Variants in COX7B2 observed in about 807,000 individuals in gnomAD.
COX7B2 encodes cytochrome c oxidase subunit 7B2, also known as cytochrome c oxidase subunit 7B2, mitochondrial.
For synonymous variants in COX7B2, 37 were observed against 32.1 expected, an observed-to-expected ratio of 1.15 and a Z score of -0.51; for missense variants, 109 against 95.9, an observed-to-expected ratio of 1.14 and a Z score of -0.57.
At chr4:46,890,601 T>C (rs903550917) in intron 1 of COX7B2, among the ~76,000 whole-genome samples, 28 of 152,208 alleles carry the variant, frequency 1.8e-4, no homozygotes, top group African/African-American at 5.5e-4. Flanking sequence ...AGATATTTAG[T>C]GAAGTCTTAT....
intron 1 of COX7B2, among the ~76,000 whole-genome samples, chr4:46,873,234 T>C (rs980507160): frequency 1.6e-4 from 25 of 152,180 alleles, no homozygotes; most frequent in African/African-American, 4.6e-4. Flanking sequence ...TGCTGAACAT[T>C]TGGGTTGGTT....
intron 1 of COX7B2, among the ~76,000 whole-genome samples, chr4:46,857,122 G>A (rs1231040576): frequency 6.6e-6 from 1 of 152,160 alleles, no homozygotes; most frequent in Non-Finnish European, 1.5e-5. Context: ...TAGTGGTTAA[G>A]GGCACAGAAC....
At chr4:46,832,531 A>C (rs1317294822) in intron 2 of COX7B2, among the ~76,000 whole-genome samples, 2 of 152,194 alleles carry the variant, frequency 1.3e-5, no homozygotes, top group Admixed American at 6.5e-5. Flanking sequence ...ACAAGGTAAA[A>C]GTTAAAACTG....
chr4:46,818,623 C>T (rs1185237901), intron 2 of COX7B2, among the ~76,000 whole-genome samples: 4 of 148,384 alleles, frequency 2.7e-5, no homozygotes, highest in Admixed American at 2.7e-4. Flanking sequence ...GGCGACTGAG[C>T]GAGACTCTGT....
rs560215588 is a variant in COX7B2 at position 46,818,111 on chromosome 4, C to T, written c.-50+26849G>A. Among the ~76,000 whole-genome samples, 127 of 152,230 alleles carry T rather than the reference C, an allele frequency of 8.3e-4. 1 individual carries two copies. The highest frequency in any genetic ancestry group is 2.5e-3 in the South Asian group (12 of 4,816). ...CTTGGATGGACTATTTGAAAACACACAGGATGGTTGGAAAAATTAGAATAG... is the reference window on the plus strand; with the variant it reads ...CTTGGATGGACTATTTGAAAACACATAGGATGGTTGGAAAAATTAGAATAG... On this transcript the variant is annotated intron_variant, in intron 2 of 2. Coordinates refer to ENST00000355591, the MANE Select transcript of COX7B2 (RefSeq NM_130902.3).
intron 2 of COX7B2, among the ~76,000 whole-genome samples, chr4:46,740,107 AT>A (rs1241590602): frequency 6.6e-6 from 1 of 152,036 alleles, no homozygotes; most frequent in Admixed American, 6.6e-5. Flanking sequence ...TTTGTTCTGC[AT>A]TTTAGCTGCA....
At chr4:46,738,200 C>T (rs953104953) in intron 2 of COX7B2, among the ~76,000 whole-genome samples, 1 of 152,100 alleles carries the variant, frequency 6.6e-6, no homozygotes, top group Admixed American at 6.6e-5. Context: ...TGGGTCGGCT[C>T]ATGCTTGCTG....
chr4:46,761,716 A>C (rs1273849237), intron 2 of COX7B2, among the ~76,000 whole-genome samples: 1 of 152,108 alleles, frequency 6.6e-6, no homozygotes, highest in Admixed American at 6.6e-5. Context: ...GCTTGCCCAC[A>C]TGATGAATTG....
intron 2 of COX7B2, among the ~76,000 whole-genome samples, chr4:46,824,321 G>T (rs1242552347): frequency 6.6e-6 from 1 of 152,076 alleles, no homozygotes; most frequent in Non-Finnish European, 1.5e-5. Context: ...ATACTATGAG[G>T]CAAGCATCAT....
chr4:46,887,507 C>T (rs992011492), intron 1 of COX7B2, among the ~76,000 whole-genome samples: 37 of 152,040 alleles, frequency 2.4e-4, no homozygotes, highest in African/African-American at 7.7e-4. Context: ...GTCAGGAGAT[C>T]GAGACCATCC....
chr4:46,881,398 C>T (rs1718731999), intron 1 of COX7B2, among the ~76,000 whole-genome samples: 1 of 152,180 alleles, frequency 6.6e-6, no homozygotes, highest in Non-Finnish European at 1.5e-5. Flanking sequence ...TTTTGAGTTT[C>T]TGATTAGCCT....
At chr4:46,863,400 A>G (rs116754918) in intron 1 of COX7B2, among the ~76,000 whole-genome samples, 1 of 152,322 alleles carries the variant, frequency 6.6e-6, no homozygotes, top group Non-Finnish European at 1.5e-5. Context: ...AAGTCATGAT[A>G]AAGTTTGTAA....
At chr4:46,831,075 G>A (rs1462679045) in intron 2 of COX7B2, among the ~76,000 whole-genome samples, 5 of 152,166 alleles carry the variant, frequency 3.3e-5, no homozygotes, top group Non-Finnish European at 7.4e-5. Flanking sequence ...GCTGCACAAG[G>A]CTTGCAGGCC....
At chr4:46,883,428 A>T (rs1718874330) in intron 1 of COX7B2, among the ~76,000 whole-genome samples, 2 of 151,572 alleles carry the variant, frequency 1.3e-5, no homozygotes, top group African/African-American at 4.9e-5. Context: ...ATTCTTATTT[A>T]TCAACTCAGT....
chr4:46,837,447 T>C (rs1331932101), intron 2 of COX7B2, among the ~76,000 whole-genome samples: 1 of 152,048 alleles, frequency 6.6e-6, no homozygotes. Flanking sequence ...TCTACTTATA[T>C]GAAACATCTA....
intron 2 of COX7B2, among the ~76,000 whole-genome samples, chr4:46,735,524 T>A (rs753661263): frequency 6.6e-6 from 1 of 152,166 alleles, no homozygotes; most frequent in Non-Finnish European, 1.5e-5. Context: ...ATCACAAATA[T>A]CCAATGCATT....
chr4:46,851,201 TTGA>T (rs1716656050), intron 1 of COX7B2, among the ~76,000 whole-genome samples: 1 of 151,994 alleles, frequency 6.6e-6, no homozygotes, highest in African/African-American at 2.4e-5. Context: ...CACCTTTGTC[TTGA>T]GATAACTTGA....
intron 2 of COX7B2, among the ~76,000 whole-genome samples, chr4:46,776,201 TG>T (rs888775392): frequency 5.3e-5 from 8 of 151,976 alleles, no homozygotes; most frequent in African/African-American, 1.7e-4. Flanking sequence ...ATGGGGAAAG[TG>T]GGGGTCTGCC....
chr4:46,849,314 G>T (rs566983141), intron 1 of COX7B2, among the ~76,000 whole-genome samples: 1 of 152,160 alleles, frequency 6.6e-6, no homozygotes, highest in East Asian at 1.9e-4. Flanking sequence ...ACTTCTCTCA[G>T]TAATATCTCT....
Sources: gnomAD v4.1 joint callset for allele counts (sites outside exome capture counted in the v4.1 genomes callset) on GRCh38, gnomAD v4.1.1 for gene constraint, MANE v1.5 for transcripts, NCBI Gene and HGNC (gene_info 2026-07-23, HGNC 2026-07-21) for gene names.